Variants in TBCK observed in about 807,000 individuals in gnomAD.
TBCK encodes TBC1 domain containing kinase.
TBCK carries 99 observed loss-of-function variants against 113.4 expected under a neutral mutation model. The observed-to-expected ratio is 0.87, with a 90% CI of 0.74 to 1.03. The LOEUF (loss-of-function observed/expected upper bound fraction) is 1.03. TBCK is among the 50% of genes least tolerant of loss of function. TBCK has a pLI of 0.00. For synonymous variants in TBCK, 369 were observed against 370.8 expected, an observed-to-expected ratio of 1.00 and a Z score of 0.05; for missense variants, 1,045 against 1,061.3, an observed-to-expected ratio of 0.98 and a Z score of 0.21.
At position 106,158,102 on chromosome 4, in the gene TBCK, T is replaced by C. The variant is rs1270067574; in HGVS notation, c.2235+12993A>G. ...AAAGTTGTCAAGGGAAATATTACATTGGGACTTTTAGACCATGTTAGAAGT... is the reference window on the plus strand; with the variant it reads ...AAAGTTGTCAAGGGAAATATTACATCGGGACTTTTAGACCATGTTAGAAGT... On this transcript the variant is annotated intron_variant, in intron 23 of 25. Coordinates refer to ENST00000394708, the MANE Select transcript of TBCK (RefSeq NM_001163435.3). 2.6e-5 allele frequency among the ~76,000 whole-genome samples: 4 copies of C among 152,294 alleles called. No individual in the cohort carries two copies. In the East Asian group the frequency reaches 7.7e-4, roughly 29 times the overall value.
At chr4:106,138,675 G>A (rs1392503563) in intron 23 of TBCK, among the ~76,000 whole-genome samples, 1 of 141,104 alleles carries the variant, frequency 7.1e-6, no homozygotes, top group Non-Finnish European at 1.6e-5. Context: ...TGGTGTTGGT[G>A]TTGCTTTGCT....
intron 23 of TBCK, among the ~76,000 whole-genome samples, chr4:106,143,435 A>T (rs1261225522): frequency 6.6e-6 from 1 of 152,220 alleles, no homozygotes; most frequent in African/African-American, 2.4e-5. Context: ...ATACGAGTAC[A>T]AATTATGATT....
intron 25 of TBCK, among the ~76,000 whole-genome samples, chr4:106,049,364 G>A (rs569200220): frequency 1.3e-5 from 2 of 152,080 alleles, no homozygotes; most frequent in African/African-American, 4.8e-5. Flanking sequence ...ATTTAACAGG[G>A]GCTGGGGAGC....
chr4:106,101,965 A>G (rs1741606111), intron 24 of TBCK, among the ~76,000 whole-genome samples: 6 of 152,228 alleles, frequency 3.9e-5, no homozygotes, highest in Admixed American at 3.9e-4. Context: ...TCCTTATAAA[A>G]TGCAATTTTT....
intron 23 of TBCK, among the ~76,000 whole-genome samples, chr4:106,135,959 T>C (rs1313414007): frequency 7.1e-6 from 1 of 141,386 alleles, no homozygotes; most frequent in Non-Finnish European, 1.6e-5. Flanking sequence ...TTTCGAGGAA[T>C]GTGTCACATA....
chr4:106,050,369 T>G lies in TBCK; in HGVS notation c.2572-3689A>C, dbSNP rs181228835. Among the ~76,000 whole-genome samples the G allele has an allele frequency of 4.8e-3, 724 of 152,088 alleles. 8 individuals carry two copies. The highest frequency in any genetic ancestry group is 0.024 in the South Asian group (114 of 4,820). On this transcript the variant is annotated intron_variant, in intron 25 of 25. Transcript: ENST00000394708. ...TTAAGGGACAGATACAGAACACTAATACCCAATGCCTTCAGAATAAAATTC... is the reference window on the plus strand; with the variant it reads ...TTAAGGGACAGATACAGAACACTAAGACCCAATGCCTTCAGAATAAAATTC...
intron 1 of TBCK, among the ~76,000 whole-genome samples, chr4:106,313,143 C>T (rs1768374082): frequency 6.6e-6 from 1 of 152,134 alleles, no homozygotes; most frequent in Admixed American, 6.5e-5. Flanking sequence ...ATTTTCAAAG[C>T]ATCAAACGTA....
intron 3 of TBCK, among the ~76,000 whole-genome samples, chr4:106,273,591 C>T (rs895670546): frequency 5.9e-5 from 9 of 152,092 alleles, no homozygotes; most frequent in Non-Finnish European, 1.0e-4. Context: ...CTGGATTATC[C>T]AGGTAGGCTC....
At position 106,235,372 on chromosome 4, in the gene TBCK, G is replaced by C; in HGVS notation, c.1351-5C>G. The C allele has an allele frequency of 6.3e-7, 1 of 1,580,010 alleles. No homozygotes were observed. Among genetic ancestry groups the C allele is most frequent in the Non-Finnish European group, 8.6e-7 (1 of 1,159,804 alleles). On this transcript the variant is annotated splice_polypyrimidine_tract_variant and splice_region_variant and intron_variant, in intron 14 of 25. Transcript: ENST00000394708. The stretch of plus-strand genomic sequence containing the variant: ...GTTTTTTTTATATGGATAAGCCTAT[G>C]ATATCAAAAAAGAAATGAAAACGTC...
intron 10 of TBCK, among the ~76,000 whole-genome samples, chr4:106,246,566 T>G (rs965117737): frequency 6.6e-6 from 1 of 152,046 alleles, no homozygotes; most frequent in Admixed American, 6.6e-5. Context: ...AACTGTTAGC[T>G]CAAATGTGTG....
chr4:106,184,158 G>A (rs1440097976), intron 22 of TBCK, among the ~76,000 whole-genome samples: 2 of 152,092 alleles, frequency 1.3e-5, no homozygotes, highest in East Asian at 3.9e-4. Flanking sequence ...CTCTAACAGT[G>A]CCTCAGCTTC....
intron 22 of TBCK, among the ~76,000 whole-genome samples, chr4:106,177,880 T>C (rs1400838874): frequency 1.3e-5 from 2 of 151,988 alleles, no homozygotes; most frequent in African/African-American, 4.8e-5. Flanking sequence ...ATTGGTATTT[T>C]GATAGAAATT....
chr4:106,316,514 C>G (rs748508527), upstream of TBCK: 1 of 1,551,118 alleles, frequency 6.4e-7, no homozygotes, highest in Non-Finnish European at 8.7e-7. Flanking sequence ...TGGGTCCTTT[C>G]TCACTGCTAT....
intron 12 of TBCK, among the ~76,000 whole-genome samples, chr4:106,239,691 A>C (rs1466020225): frequency 6.6e-6 from 1 of 151,994 alleles, no homozygotes; most frequent in African/African-American, 2.4e-5. Context: ...AAAACAAAAT[A>C]AACAACCTGA....
intron 25 of TBCK, among the ~76,000 whole-genome samples, chr4:106,057,284 G>C (rs1163931712): frequency 6.6e-6 from 1 of 151,684 alleles, no homozygotes; most frequent in Admixed American, 6.6e-5. Context: ...GGAGTATTAG[G>C]GAAAATCTCT....
At chr4:106,296,103 G>T (rs1416978944) in intron 2 of TBCK, among the ~76,000 whole-genome samples, 1 of 152,136 alleles carries the variant, frequency 6.6e-6, no homozygotes, top group African/African-American at 2.4e-5. Context: ...AACTGATCAA[G>T]ATGGCACAGT....
intron 25 of TBCK, among the ~76,000 whole-genome samples, chr4:106,053,410 C>T (rs1226748855): frequency 1.3e-5 from 2 of 151,560 alleles, no homozygotes; most frequent in African/African-American, 4.8e-5. Context: ...CACATTTGAT[C>T]ATGCCCTCCT....
chr4:106,101,723 G>C (rs559346284), intron 24 of TBCK, among the ~76,000 whole-genome samples: 10 of 152,120 alleles, frequency 6.6e-5, no homozygotes, highest in South Asian at 2.1e-4. Context: ...ACTCAGCCTT[G>C]ATTTCAAGCA....
chr4:106,175,756 T>C (rs1338443357), intron 22 of TBCK, among the ~76,000 whole-genome samples: 1 of 152,148 alleles, frequency 6.6e-6, no homozygotes, highest in East Asian at 1.9e-4. Context: ...CTACACCAAA[T>C]TCTCTCCATT....
Sources: gnomAD v4.1 joint callset for allele counts (sites outside exome capture counted in the v4.1 genomes callset) on GRCh38, gnomAD v4.1.1 for gene constraint, MANE v1.5 for transcripts, NCBI Gene and HGNC (gene_info 2026-07-23, HGNC 2026-07-21) for gene names.